WWOX: variants seen among roughly 807,000 people sequenced by gnomAD.
The protein encoded by WWOX is WW domain containing oxidoreductase, also known as WW domain-containing oxidoreductase.
In WWOX, 69 loss-of-function variants were observed where a neutral mutation model predicts 46.2. The ratio of observed to expected loss-of-function variants is 1.49; its 90% CI spans 1.23 to 1.82. The LOEUF (loss-of-function observed/expected upper bound fraction) is 1.82. Among genes scored for constraint, WWOX ranks in the 40% most tolerant of loss-of-function variants. The probability of loss-of-function intolerance (pLI) is 0.00; values close to 1 mark genes in which losing one functional copy is unlikely to be tolerated. For missense variants in WWOX, 919 were observed against 542.6 expected (o/e 1.69, Z -6.89); for synonymous variants, 359 against 202.6 (o/e 1.77, Z -6.56).
intron 5 of WWOX, among the ~76,000 whole-genome samples, chr16:78,311,313 G>C (rs924070943): frequency 1.3e-5 from 2 of 152,084 alleles, no homozygotes; most frequent in African/African-American, 4.8e-5. Flanking sequence ...TTCCTTTCTT[G>C]ATCATCTAAG....
chr16:78,197,790 AAGGAG>A (rs1420035796), intron 5 of WWOX, among the ~76,000 whole-genome samples: 62 of 152,276 alleles, frequency 4.1e-4, no homozygotes, highest in Admixed American at 4.1e-3. Flanking sequence ...ACATACTGAC[AAGGAG>A]AGGAGGTGAG....
intron 4 of WWOX, among the ~76,000 whole-genome samples, chr16:78,147,559 C>T (rs1453043810): frequency 1.3e-5 from 2 of 151,998 alleles, no homozygotes; most frequent in African/African-American, 2.4e-5. Flanking sequence ...AGCACTTCCA[C>T]GTGACTTTGG....
intron 4 of WWOX, among the ~76,000 whole-genome samples, chr16:78,122,801 C>T (rs2033162895): frequency 6.6e-6 from 1 of 152,010 alleles, no homozygotes; most frequent in Non-Finnish European, 1.5e-5. Flanking sequence ...GACAGGGATT[C>T]ACCATGTTGG....
intron 6 of WWOX, among the ~76,000 whole-genome samples, chr16:78,410,753 C>T (rs1310057783): frequency 6.9e-6 from 1 of 145,118 alleles, no homozygotes; most frequent in African/African-American, 2.6e-5. Flanking sequence ...TTGTGGTCAA[C>T]TGAGATCACA....
chr16:78,133,205 A>T (rs2033664228), intron 4 of WWOX, among the ~76,000 whole-genome samples: 1 of 152,122 alleles, frequency 6.6e-6, no homozygotes. Flanking sequence ...TTTTTAAAAA[A>T]CCTTATCCGC....
intron 8 of WWOX, chr16:79,205,508 G>C (rs1363314047): frequency 6.6e-6 from 1 of 152,172 alleles, no homozygotes; most frequent in African/African-American, 2.4e-5. Flanking sequence ...AGTTGGCATG[G>C]GATCTAAATG....
intron 8 of WWOX, among the ~76,000 whole-genome samples, chr16:79,156,232 G>T (rs2050378875): frequency 6.6e-6 from 1 of 152,172 alleles, no homozygotes; most frequent in Admixed American, 6.5e-5. Context: ...TACAATTTCA[G>T]CTCACTGCAA....
intron 8 of WWOX, among the ~76,000 whole-genome samples, chr16:78,847,177 T>C (rs944599412): frequency 6.6e-6 from 1 of 152,220 alleles, no homozygotes; most frequent in Non-Finnish European, 1.5e-5. Flanking sequence ...TATTATAGAA[T>C]CATATTTAGA....
rs530227556 is a variant in WWOX, at chr16:78,648,153, A to C, written c.1056+215401A>C. On this transcript the variant is annotated intron_variant, in intron 8 of 8. Coordinates refer to ENST00000566780, the MANE Select transcript of WWOX (RefSeq NM_016373.4). ...TTGAAAGGTGACTGAATACATTACC[A>C]CCTCCCAGGAGTTGAATGAAAAACG... 2.0e-5 allele frequency among the ~76,000 whole-genome samples: 3 copies of C among 152,204 alleles called. No individual in the cohort carries two copies. In the South Asian group the frequency reaches 6.2e-4, roughly 32 times the overall value.
At chr16:79,067,980 C>T (rs2048473476) in intron 8 of WWOX, among the ~76,000 whole-genome samples, 1 of 152,174 alleles carries the variant, frequency 6.6e-6, no homozygotes, top group Non-Finnish European at 1.5e-5. Context: ...AGAAAAAAGC[C>T]TGCACAAAAG....
At chr16:78,328,641 A>G (rs959803044) in intron 5 of WWOX, among the ~76,000 whole-genome samples, 3 of 152,208 alleles carry the variant, frequency 2.0e-5, no homozygotes, top group African/African-American at 4.8e-5. Context: ...AGTTAGTGCA[A>G]TGAAAGTTAC....
chr16:78,481,145 C>T (rs1352443915), intron 8 of WWOX, among the ~76,000 whole-genome samples: 1 of 152,138 alleles, frequency 6.6e-6, no homozygotes, highest in African/African-American at 2.4e-5. Context: ...TATACCATTC[C>T]TGGAGGTAGT....
chr16:78,129,458 AT>A (rs2151694346), intron 4 of WWOX, among the ~76,000 whole-genome samples: 1 of 152,284 alleles, frequency 6.6e-6, no homozygotes, highest in Non-Finnish European at 1.5e-5. Flanking sequence ...AAACATAGAA[AT>A]GGTTCAGTAA....
intron 5 of WWOX, among the ~76,000 whole-genome samples, chr16:78,380,257 T>C (rs571899744): frequency 6.6e-6 from 1 of 152,076 alleles, no homozygotes; most frequent in Non-Finnish European, 1.5e-5. Flanking sequence ...AGGTACATAG[T>C]GTGGACATAA....
At chr16:78,481,457 C>G (rs1441951336) in intron 8 of WWOX, among the ~76,000 whole-genome samples, 1 of 152,012 alleles carries the variant, frequency 6.6e-6, no homozygotes, top group Non-Finnish European at 1.5e-5. Context: ...TTGAAAGAGT[C>G]ATGGCATAGA....
At chr16:78,664,958 A>G (rs920693963) in intron 8 of WWOX, among the ~76,000 whole-genome samples, 2 of 152,200 alleles carry the variant, frequency 1.3e-5, no homozygotes, top group African/African-American at 2.4e-5. Context: ...CCCTGGTTCA[A>G]TACAATGAAC....
At chr16:78,923,662 T>C (rs2045430813) in intron 8 of WWOX, among the ~76,000 whole-genome samples, 1 of 152,108 alleles carries the variant, frequency 6.6e-6, no homozygotes, top group South Asian at 2.1e-4. Flanking sequence ...CTTTTTCCTA[T>C]TGGAAAAAAT....
At chr16:78,693,723 G>T (rs186515530) in intron 8 of WWOX, among the ~76,000 whole-genome samples, 1 of 152,190 alleles carries the variant, frequency 6.6e-6, no homozygotes, top group African/African-American at 2.4e-5. Flanking sequence ...TATTGCACAG[G>T]GTGGCCCTTA....
At chr16:78,268,524 G>A (rs776666277) in intron 5 of WWOX, among the ~76,000 whole-genome samples, 2 of 152,140 alleles carry the variant, frequency 1.3e-5, no homozygotes, top group Non-Finnish European at 2.9e-5. Context: ...CGAGAGCATG[G>A]TCCAAAGCTG....
Sources: allele counts gnomAD v4.1 joint callset (sites outside exome capture counted in the v4.1 genomes callset), GRCh38; gene constraint gnomAD v4.1.1; transcripts MANE v1.5; gene names NCBI Gene and HGNC (gene_info 2026-07-23, HGNC 2026-07-21).